KCNMA1: variants seen among roughly 807,000 people sequenced by gnomAD.
The protein encoded by KCNMA1 is Calcium-activated potassium channel subunit alpha-1.
KCNMA1 carries 29 observed loss-of-function variants against 140.0 expected under a neutral mutation model. That is an observed-to-expected ratio of 0.21 (90% CI 0.15 to 0.28). The LOEUF (loss-of-function observed/expected upper bound fraction) is 0.28. KCNMA1 is among the 10% of genes least tolerant of loss of function. The probability of loss-of-function intolerance (pLI) is 1.00; values close to 1 mark genes in which losing one functional copy is unlikely to be tolerated. For synonymous variants in KCNMA1, 612 were observed against 611.9 expected, an observed-to-expected ratio of 1.00 and a Z score of 0.00; for missense variants, 880 against 1,602.2, an observed-to-expected ratio of 0.55 and a Z score of 7.70.
chr10:77,270,063 C>A (rs2064574165), intron 2 of KCNMA1, among the ~76,000 whole-genome samples: 1 of 152,208 alleles, frequency 6.6e-6, no homozygotes. Context: ...CCTCTCACCT[C>A]CTGCTTTTGG....
chr10:77,634,977 A>G (rs540804585), intron 1 of KCNMA1: 3 of 152,200 alleles, frequency 2.0e-5, no homozygotes, highest in Non-Finnish European at 4.4e-5. Context: ...GACTTACGGT[A>G]TCAAAAGGAA....
At chr10:77,488,227 T>C (rs1417662768) in intron 1 of KCNMA1, among the ~76,000 whole-genome samples, 3 of 152,124 alleles carry the variant, frequency 2.0e-5, no homozygotes, top group Non-Finnish European at 4.4e-5. Flanking sequence ...GCCACCAAGT[T>C]GTGGCTGTGG....
intron 1 of KCNMA1, among the ~76,000 whole-genome samples, chr10:77,452,999 C>T (rs1469477276): frequency 6.6e-6 from 1 of 152,144 alleles, no homozygotes; most frequent in Non-Finnish European, 1.5e-5. Flanking sequence ...GGGTACCTAG[C>T]TGACGGGGTT....
At chr10:77,561,860 A>T (rs2066501267) in intron 1 of KCNMA1, among the ~76,000 whole-genome samples, 1 of 152,192 alleles carries the variant, frequency 6.6e-6, no homozygotes, top group Non-Finnish European at 1.5e-5. Context: ...ATATGTTATC[A>T]ATTTTGGCCA....
chr10:76,891,309 T>A (rs888318180), intron 26 of KCNMA1: 1 of 587,554 alleles, frequency 1.7e-6, no homozygotes, highest in Non-Finnish European at 3.0e-6. Context: ...CTAGAACTTA[T>A]ATCAAAGGGT....
At chr10:77,094,915 G>C (rs2096894597) in intron 9 of KCNMA1, among the ~76,000 whole-genome samples, 1 of 152,018 alleles carries the variant, frequency 6.6e-6, no homozygotes, top group Non-Finnish European at 1.5e-5. Flanking sequence ...TGCCCAGGCT[G>C]GTCATGAACT....
downstream of KCNMA1, chr10:76,872,970 A>G (rs1208122885): frequency 3.3e-5 from 5 of 151,954 alleles, no homozygotes; most frequent in African/African-American, 4.8e-5. Context: ...CCTTTTTGTG[A>G]TTAAAAAAAT....
chr10:77,502,431 T>C (rs914615749), intron 1 of KCNMA1, among the ~76,000 whole-genome samples: 3 of 152,168 alleles, frequency 2.0e-5, no homozygotes, highest in African/African-American at 7.2e-5. Context: ...CCGAATGCTC[T>C]CATGTTTCAG....
At chr10:77,266,739 T>G (rs184053594) in intron 2 of KCNMA1, among the ~76,000 whole-genome samples, 9 of 152,318 alleles carry the variant, frequency 5.9e-5, no homozygotes, top group Admixed American at 4.6e-4. Context: ...CTTCTTACTC[T>G]TTATTGTAGT....
chr10:77,184,649 C>T (rs2098833219), intron 4 of KCNMA1, among the ~76,000 whole-genome samples, 174 bp downstream of exon 4: 1 of 152,164 alleles, frequency 6.6e-6, no homozygotes, highest in South Asian at 2.1e-4. Flanking sequence ...GATGTGAATT[C>T]CAGAAAATGC....
At chr10:77,269,570 G>A (rs2064398562) in intron 2 of KCNMA1, among the ~76,000 whole-genome samples, 2 of 152,222 alleles carry the variant, frequency 1.3e-5, no homozygotes, top group South Asian at 4.2e-4. Context: ...GGAAGACCAG[G>A]TATCAGTATT....
chr10:77,273,435 A>G (rs563646296), intron 2 of KCNMA1, among the ~76,000 whole-genome samples: 4 of 152,360 alleles, frequency 2.6e-5, no homozygotes, highest in Admixed American at 1.3e-4. Context: ...ATGATAAGCT[A>G]TTATACTTGC....
chr10:77,554,781 A>G (rs562390227), intron 1 of KCNMA1, among the ~76,000 whole-genome samples: 2 of 151,730 alleles, frequency 1.3e-5, no homozygotes, highest in Non-Finnish European at 2.9e-5. Flanking sequence ...ATCTCCAAAG[A>G]CTCCTCCGCA....
intron 22 of KCNMA1, among the ~76,000 whole-genome samples, chr10:76,947,736 T>C (rs978051281): frequency 6.6e-6 from 1 of 152,212 alleles, no homozygotes; most frequent in Middle Eastern, 3.2e-3. Flanking sequence ...CTGTCCGATC[T>C]TTTTCTCACT....
chr10:77,144,571 T>G (rs536305952), intron 5 of KCNMA1, among the ~76,000 whole-genome samples: 5 of 152,296 alleles, frequency 3.3e-5, no homozygotes, highest in African/African-American at 9.6e-5. Context: ...ATCTATGCAT[T>G]TTATTGCATG....
rs72516981 is a variant in KCNMA1 at position 77,506,571 on chromosome 10, T to TAG, written c.379-102550_379-102549dup. On this transcript the variant is annotated intron_variant, in intron 1 of 27. Transcript: ENST00000286628. ...GGAGAGAGGGAAAGAGAGATGTTCC[T>TAG]AGAGAGAGAGAGAGAGAGAGAGAGA... Among the ~76,000 whole-genome samples the TAG allele has an allele frequency of 7.0e-3, 544 of 78,018 alleles. 17 individuals are homozygous for TAG. The highest frequency in any genetic ancestry group is 9.4e-3 in the Non-Finnish European group (435 of 46,450). 51.2% of individuals were successfully genotyped at this position (78,018 alleles called of 152,430 possible).
intron 1 of KCNMA1, among the ~76,000 whole-genome samples, chr10:77,498,153 C>T (rs2042600808): frequency 6.6e-6 from 1 of 152,164 alleles, no homozygotes; most frequent in Admixed American, 6.5e-5. Context: ...CAGCTTTGCT[C>T]CCTGAGAAGC....
At chr10:76,977,880 T>C in intron 19 of KCNMA1, 1 of 490,834 alleles carries the variant, frequency 2.0e-6, no homozygotes, top group Non-Finnish European at 3.6e-6. Flanking sequence ...GCGAACCACA[T>C]CTACCGTGAG....
chr10:77,337,638 G>C (rs764700128), intron 2 of KCNMA1, among the ~76,000 whole-genome samples: 28 of 152,046 alleles, frequency 1.8e-4, no homozygotes, highest in Non-Finnish European at 2.6e-4. Flanking sequence ...AAAAGAAACA[G>C]AAAAATCATT....
Sources: gnomAD v4.1 joint callset for allele counts (sites outside exome capture counted in the v4.1 genomes callset) on GRCh38, gnomAD v4.1.1 for gene constraint, MANE v1.5 for transcripts, NCBI Gene and HGNC (gene_info 2026-07-23, HGNC 2026-07-21) for gene names.